RGS8: variants seen among roughly 807,000 people sequenced by gnomAD.
RGS8 encodes regulator of G-protein signaling 8.
In RGS8, 8 loss-of-function variants were observed where a neutral mutation model predicts 21.7. The ratio of observed to expected loss-of-function variants is 0.37; its 90% CI spans 0.22 to 0.66. The LOEUF (loss-of-function observed/expected upper bound fraction) is 0.66. Among genes scored for constraint, RGS8 ranks in the 30% least tolerant of loss-of-function variants. The pLI is 0.59. For missense variants in RGS8, 157 were observed against 217.9 expected, an observed-to-expected ratio of 0.72 and a Z score of 1.76; for synonymous variants, 80 against 83.6, an observed-to-expected ratio of 0.96 and a Z score of 0.24.
the RGS8 span, among the ~76,000 whole-genome samples, chr1:182,743,164 T>C: frequency 2.0e-5 from 3 of 152,048 alleles, no homozygotes; most frequent in Admixed American, 1.3e-4. Flanking sequence ...ACAAAGAGCA[T>C]GGGATTTGGA....
the RGS8 span, chr1:182,734,696 C>T: frequency 1.3e-5 from 2 of 152,136 alleles, no homozygotes; most frequent in Non-Finnish European, 2.9e-5. Context: ...GGGAATTGAC[C>T]TAAATACCCA....
At chr1:182,706,000 G>A in the RGS8 span, among the ~76,000 whole-genome samples, 20 of 151,730 alleles carry the variant, frequency 1.3e-4, no homozygotes, top group Non-Finnish European at 2.8e-4. Context: ...TTTTATTTTT[G>A]GAGACAGGGT....
chr1:182,669,896 G>A, intron 2 of RGS8, 144 bp from the exon 4 acceptor site: 2 of 915,730 alleles, frequency 2.2e-6, no homozygotes, highest in Non-Finnish European at 3.1e-6. Flanking sequence ...TCCTTAGCAG[G>A]GGCGACAAAC....
At chr1:182,741,590 T>C in the RGS8 span, among the ~76,000 whole-genome samples, 2 of 106,466 alleles carry the variant, frequency 1.9e-5, no homozygotes, top group East Asian at 3.2e-4. Flanking sequence ...GAGGCGCCCC[T>C]CACCTCCCAG....
intron 5 of RGS8, among the ~76,000 whole-genome samples, chr1:182,665,508 A>C (rs1663813506): frequency 6.6e-6 from 1 of 152,198 alleles, no homozygotes; most frequent in Non-Finnish European, 1.5e-5. Flanking sequence ...AACAAAAAGC[A>C]ACAATAAAAC....
chr1:182,648,325 A>G, intron 5 of RGS8, 22 bp from the exon 7 acceptor site: 1 of 1,609,404 alleles, frequency 6.2e-7, no homozygotes, highest in Non-Finnish European at 8.5e-7. Flanking sequence ...GGAGGAAGAA[A>G]AGAAGAGAGA....
downstream of RGS8, chr1:182,642,360 A>G: frequency 6.6e-6 from 1 of 152,402 alleles, no homozygotes; most frequent in Admixed American, 6.5e-5. Flanking sequence ...GGAAGAGTGA[A>G]GGGTGGCCTG....
the RGS8 span, among the ~76,000 whole-genome samples, chr1:182,699,735 T>C: frequency 6.6e-6 from 1 of 152,144 alleles, no homozygotes. Flanking sequence ...CAAAATCCCC[T>C]GAGAGGCCTG....
chr1:182,704,540 C>T, the RGS8 span, among the ~76,000 whole-genome samples: 1 of 152,320 alleles, frequency 6.6e-6, no homozygotes, highest in South Asian at 2.1e-4. Context: ...GCATCTTGGA[C>T]CCATATGCAG....
rs772740167 is a variant in RGS8 at position 182,646,705 on chromosome 1, C to T, written c.*30G>A. The T allele has an allele frequency of 1.7e-5, 27 of 1,577,936 alleles. 1 individual carries two copies. The highest frequency in any genetic ancestry group is 3.4e-4 in the Middle Eastern group (2 of 5,910). On this transcript the variant is annotated 3_prime_UTR_variant, in exon 7 of 7. Transcript: ENST00000483095. ...CTTGGCAGCAAGTGGAGGGGAAAGC[C>T]GGTGATTTCCAGGAGTTCCCTTCTG...
the RGS8 span, among the ~76,000 whole-genome samples, chr1:182,745,980 C>T: frequency 6.6e-6 from 1 of 152,210 alleles, no homozygotes; most frequent in African/African-American, 2.4e-5. Flanking sequence ...ATCACTTTCT[C>T]CCTATCCTGA....
chr1:182,714,790 G>A, the RGS8 span, among the ~76,000 whole-genome samples: 21 of 152,060 alleles, frequency 1.4e-4, no homozygotes, highest in Non-Finnish European at 2.2e-4. Context: ...TAACTGAAAC[G>A]TAAAAACATT....
the RGS8 span, among the ~76,000 whole-genome samples, chr1:182,726,191 A>C: frequency 6.6e-6 from 1 of 152,210 alleles, no homozygotes; most frequent in South Asian, 2.1e-4. Context: ...TCTCAAAAAA[A>C]AAAAAAAAAC....
At chr1:182,654,340 C>T (rs1004677228) in intron 5 of RGS8, among the ~76,000 whole-genome samples, 2 of 152,116 alleles carry the variant, frequency 1.3e-5, no homozygotes, top group Non-Finnish European at 2.9e-5. Flanking sequence ...AGTGAAAGAA[C>T]TTCTTTTCCT....
intron 5 of RGS8, 38 bp from the exon 7 acceptor site, chr1:182,648,341 A>C: frequency 6.2e-7 from 1 of 1,601,210 alleles, no homozygotes; most frequent in Non-Finnish European, 8.5e-7. Context: ...AGAGATAGGA[A>C]GCAGCTTAAG....
At chr1:182,740,456 T>A in the RGS8 span, among the ~76,000 whole-genome samples, 1 of 151,834 alleles carries the variant, frequency 6.6e-6, no homozygotes, top group African/African-American at 2.4e-5. Flanking sequence ...TGAGCAAAAC[T>A]GAGGCATCAA....
At chr1:182,719,220 A>T in the RGS8 span, among the ~76,000 whole-genome samples, 117 of 152,342 alleles carry the variant, frequency 7.7e-4, no homozygotes, top group Admixed American at 6.6e-3. Context: ...GGGAGTGTTA[A>T]CGCTCACGCT....
rs370044308 is a variant in RGS8, at chr1:182,660,123, A to T, written c.193+5846T>A. ...TAGAGCAAAAATAATTAGAATAGTT[A>T]TTTTTTATTGAGTTCCTCTATGGAG... On this transcript the variant is annotated intron_variant, in intron 5 of 6. Transcript: ENST00000483095. Among the ~76,000 whole-genome samples, 842 of 152,314 alleles carry T rather than the reference A, an allele frequency of 5.5e-3. 6 individuals are homozygous for T. Among genetic ancestry groups the T allele is most frequent in the South Asian group, 0.023 (110 of 4,828 alleles).
At chr1:182,649,704 TA>T (rs150415441) in intron 5 of RGS8, among the ~76,000 whole-genome samples, 6,321 of 152,266 alleles carry the variant, frequency 0.042, 219 homozygotes, top group East Asian at 0.13. Flanking sequence ...TGTTTTTATT[TA>T]AAAATATTTT....
Sources: allele counts gnomAD v4.1 joint callset (sites outside exome capture counted in the v4.1 genomes callset), GRCh38; gene constraint gnomAD v4.1.1; transcripts MANE v1.5; gene names NCBI Gene and HGNC (gene_info 2026-07-23, HGNC 2026-07-21).